Variants in SUFU observed in about 807,000 individuals in gnomAD.
SUFU encodes SUFU negative regulator of hedgehog signaling.
Under a neutral mutation model 58.9 loss-of-function variants are expected in SUFU, and 7 were observed. That is an observed-to-expected ratio of 0.12 (90% confidence interval 0.07 to 0.22). The LOEUF is 0.22. SUFU is among the 10% of genes least tolerant of loss of function. SUFU has a pLI of 1.00. For missense variants in SUFU, 451 were observed against 641.3 expected, an observed-to-expected ratio of 0.70 and a Z score of 3.20; for synonymous variants, 232 against 254.8, an observed-to-expected ratio of 0.91 and a Z score of 0.85.
chr10:102,544,502 A>G (rs2062834110), intron 2 of SUFU, among the ~76,000 whole-genome samples: 1 of 152,134 alleles, frequency 6.6e-6, no homozygotes. Flanking sequence ...GGAGTTTGAG[A>G]CCAACCTGGC....
At position 102,619,490 on chromosome 10, in the gene SUFU, A is replaced by AGCT; in HGVS notation, c.1296+2063_1296+2064insCTG. On this transcript the variant is annotated intron_variant, in intron 10 of 11. Transcript: ENST00000369902. The surrounding 1 kb of genome is among the most constrained non-coding windows in gnomAD (Gnocchi z 4.2). ...CAAAGGCCTGTGTTATGGGCTCATT[A>AGCT]GTGTGGTCCACCACGGGGCCGGCTC... 1 of 1,175,574 alleles carries AGCT rather than the reference A, an allele frequency of 8.5e-7. No individual in the cohort carries two copies. The highest frequency in any genetic ancestry group is 1.1e-6 in the Non-Finnish European group (1 of 945,778). The allele number at this position is 1,175,574 out of a possible 1,614,324, so 72.8% of individuals were successfully genotyped here.
intron 3 of SUFU, among the ~76,000 whole-genome samples, chr10:102,570,031 G>A (rs1045574443): frequency 4.6e-5 from 7 of 152,160 alleles, no homozygotes; most frequent in African/African-American, 1.2e-4. Flanking sequence ...ACTCAGAATA[G>A]AGAGCTAGAA....
At chr10:102,504,519 G>C (rs773401570) in intron 1 of SUFU, among the ~76,000 whole-genome samples, 185 bp downstream of exon 1, 25 of 152,132 alleles carry the variant, frequency 1.6e-4, no homozygotes, top group Non-Finnish European at 3.4e-4. Flanking sequence ...AGGGGTTAAC[G>C]GAGCCCGTGG....
chr10:102,606,017 A>C (rs1347300607), intron 8 of SUFU, among the ~76,000 whole-genome samples: 1 of 152,208 alleles, frequency 6.6e-6, no homozygotes. Flanking sequence ...CACTGACTGA[A>C]TGGGACCAAT....
Position 102,593,252 on chromosome 10 carries a change from CTT to C in SUFU, c.598-383_598-382del, listed in dbSNP as rs751230805. Reference sequence around the variant, plus strand: ...CCAAGCCTGATAGGTCTCAAAGTCTCTTGTTTACATTCCCCATGATACCAGAC... The same window carrying C: ...CCAAGCCTGATAGGTCTCAAAGTCTCGTTTACATTCCCCATGATACCAGAC... On this transcript the variant is annotated intron_variant, in intron 4 of 11. Coordinates refer to ENST00000369902, the MANE Select transcript of SUFU (RefSeq NM_016169.4). 5.3e-5 allele frequency among the ~76,000 whole-genome samples: 8 copies of C among 152,174 alleles called. No homozygotes were observed. In the East Asian group the frequency reaches 1.5e-3, roughly 29 times the overall value.
At chr10:102,607,058 T>TC (rs1310192760) in intron 8 of SUFU, among the ~76,000 whole-genome samples, 2 of 132,068 alleles carry the variant, frequency 1.5e-5, no homozygotes, top group African/African-American at 5.6e-5. Context: ...TTGGTAAGAG[T>TC]AATTTTTTTT....
chr10:102,512,909 A>C (rs1006580478), intron 2 of SUFU, among the ~76,000 whole-genome samples: 8 of 152,016 alleles, frequency 5.3e-5, no homozygotes, highest in African/African-American at 1.9e-4. Context: ...TCTCTACAGA[A>C]AATACAGAAA....
At chr10:102,523,879 C>T (rs1031478422) in intron 2 of SUFU, among the ~76,000 whole-genome samples, 1 of 152,212 alleles carries the variant, frequency 6.6e-6, no homozygotes, top group Non-Finnish European at 1.5e-5. Flanking sequence ...GTCCTTTGTA[C>T]TCTACTTCAA....
intron 2 of SUFU, among the ~76,000 whole-genome samples, chr10:102,515,638 G>A (rs186937104): frequency 2.0e-5 from 3 of 152,152 alleles, no homozygotes; most frequent in East Asian, 3.9e-4. Flanking sequence ...TTAACATGTC[G>A]TTTCCAAGAG....
chr10:102,552,717 T>A (rs2062932069), intron 3 of SUFU, among the ~76,000 whole-genome samples: 2 of 152,222 alleles, frequency 1.3e-5, no homozygotes, highest in African/African-American at 4.8e-5. Flanking sequence ...AGATAAAGGC[T>A]AAAGTATTAA....
At chr10:102,507,748 C>G (rs1368608631) in intron 1 of SUFU, among the ~76,000 whole-genome samples, 1 of 152,200 alleles carries the variant, frequency 6.6e-6, no homozygotes, top group African/African-American at 2.4e-5. Context: ...TGTAACATGT[C>G]TTTTATTTGG....
chr10:102,600,462 C>T (rs965790436), intron 8 of SUFU, among the ~76,000 whole-genome samples: 7 of 152,152 alleles, frequency 4.6e-5, no homozygotes, highest in African/African-American at 1.7e-4. Context: ...ATGAGTGAAA[C>T]AGTTACCTTT....
intron 10 of SUFU, among the ~76,000 whole-genome samples, chr10:102,622,179 C>T (rs2063745123): frequency 6.6e-6 from 1 of 152,172 alleles, no homozygotes; most frequent in South Asian, 2.1e-4. Context: ...CAGCTCAGCC[C>T]GTTTGATGGT....
chr10:102,543,068 G>A (rs1408281605), intron 2 of SUFU, among the ~76,000 whole-genome samples: 1 of 152,128 alleles, frequency 6.6e-6, no homozygotes, highest in African/African-American at 2.4e-5. Context: ...GCAATTATAA[G>A]TTCTTAGAAG....
chr10:102,602,405 G>A (rs546073578), intron 8 of SUFU, among the ~76,000 whole-genome samples: 28 of 152,308 alleles, frequency 1.8e-4, no homozygotes, highest in African/African-American at 6.7e-4. Flanking sequence ...GTTGCAGCAT[G>A]AATCAGGACC....
chr10:102,585,888 C>CTTTT (rs34024871), intron 3 of SUFU, among the ~76,000 whole-genome samples: 2,273 of 135,006 alleles, frequency 0.017, 90 homozygotes, highest in African/African-American at 0.06. Context: ...ATTTGTATAT[C>CTTTT]TTTTTTTTTT....
At chr10:102,520,877 A>C (rs994680914) in intron 2 of SUFU, among the ~76,000 whole-genome samples, 16 of 152,304 alleles carry the variant, frequency 1.1e-4, no homozygotes, top group Middle Eastern at 3.4e-3. Context: ...CTTTTGAAAA[A>C]TATCTTGATT....
At chr10:102,553,652 A>G (rs2062943959) in intron 3 of SUFU, among the ~76,000 whole-genome samples, 1 of 151,690 alleles carries the variant, frequency 6.6e-6, no homozygotes, top group Non-Finnish European at 1.5e-5. Context: ...TTTAGTAGAG[A>G]TGGGGCTTCA....
chr10:102,529,801 TG>T (rs2062655198), intron 2 of SUFU, among the ~76,000 whole-genome samples: 1 of 151,828 alleles, frequency 6.6e-6, no homozygotes. Flanking sequence ...AAAAATTAGC[TG>T]GGCATGGTGG....
Sources: gnomAD v4.1 joint callset for allele counts (sites outside exome capture counted in the v4.1 genomes callset) on GRCh38, gnomAD v4.1.1 for gene constraint, Gnocchi (gnomAD v3.1) non-coding constraint, MANE v1.5 for transcripts, NCBI Gene and HGNC (gene_info 2026-07-23, HGNC 2026-07-21) for gene names.